Variants in ATR observed in about 807,000 individuals in gnomAD.
ATR encodes the protein ATR checkpoint kinase.
A neutral mutation model predicts 305.3 loss-of-function variants in ATR; 142 were observed. That is an observed-to-expected ratio of 0.47 (90% CI 0.41 to 0.53). ATR has a LOEUF of 0.53. Ranked by LOEUF, ATR falls within the 20% of genes least tolerant of loss-of-function variation. The pLI is 0.00. For missense variants in ATR, 2,135 were observed against 3,133.1 expected (o/e 0.68, Z 7.60); for synonymous variants, 1,050 against 1,068.1 (o/e 0.98, Z 0.33).
intron 23 of ATR, among the ~76,000 whole-genome samples, chr3:142,520,018 A>G (rs2033076949): frequency 6.6e-6 from 1 of 152,124 alleles, no homozygotes; most frequent in Non-Finnish European, 1.5e-5. Context: ...TCCCAACAAC[A>G]TATGCTCACT....
intron 14 of ATR, among the ~76,000 whole-genome samples, 200 bp from the exon 15 acceptor site, chr3:142,549,873 C>A (rs1000836844): frequency 5.3e-5 from 8 of 152,144 alleles, no homozygotes; most frequent in Admixed American, 1.3e-4. Flanking sequence ...CAGAAATGAT[C>A]ATATTAGACT....
intron 1 of ATR, among the ~76,000 whole-genome samples, chr3:142,568,939 C>T (rs992478614): frequency 6.6e-6 from 1 of 152,214 alleles, no homozygotes; most frequent in Admixed American, 6.5e-5. Context: ...AGGCGCCCCT[C>T]GGCACGAACA....
rs769440377 is a variant in ATR, at chr3:142,554,027, G to A, written c.2342-12C>T. On this transcript the variant is annotated splice_polypyrimidine_tract_variant and intron_variant, in intron 10 of 46. Transcript: ENST00000350721. ...ATTATCTATGAAAGCTGAAGGACAA[G>A]AGTATACAATACCTAATTTAACATA... 1.1e-5 allele frequency: 17 copies of A among 1,584,528 alleles called. No individual in the cohort carries two copies. The South Asian group carries it at 1.6e-4, about 15-fold the overall frequency.
intron 23 of ATR, among the ~76,000 whole-genome samples, chr3:142,522,008 T>G (rs1371354131): frequency 6.6e-6 from 1 of 152,220 alleles, no homozygotes; most frequent in Non-Finnish European, 1.5e-5. Flanking sequence ...AAACCTTTCA[T>G]GAAAGGCAAC....
chr3:142,561,113 A>C, intron 5 of ATR, 130 bp downstream of exon 5: 1 of 955,616 alleles, frequency 1.0e-6, no homozygotes, highest in Non-Finnish European at 1.6e-6. Flanking sequence ...TATTTTAAGC[A>C]CTCCCTTGGC....
At chr3:142,478,195 TA>T (rs2030055716) in intron 36 of ATR, among the ~76,000 whole-genome samples, 1 of 152,244 alleles carries the variant, frequency 6.6e-6, no homozygotes, top group African/African-American at 2.4e-5. Context: ...GTGTCAATTT[TA>T]AATCTTTCCT....
chr3:142,518,380 G>A (rs1266818029), intron 24 of ATR, among the ~76,000 whole-genome samples: 1 of 152,158 alleles, frequency 6.6e-6, no homozygotes, highest in Non-Finnish European at 1.5e-5. Context: ...AGCCAGGCAT[G>A]GCGGTGCACG....
chr3:142,547,696 A>C (rs2108450514), intron 16 of ATR, 29 bp downstream of exon 16: 2 of 1,605,704 alleles, frequency 1.2e-6, no homozygotes, highest in Non-Finnish European at 1.7e-6. Flanking sequence ...AAAAACAAAC[A>C]AAAAAACCTC....
At chr3:142,526,436 A>C (rs2033391031) in intron 21 of ATR, among the ~76,000 whole-genome samples, 1 of 152,050 alleles carries the variant, frequency 6.6e-6, no homozygotes, top group African/African-American at 2.4e-5. Context: ...GTGAACGCTA[A>C]ATAGTGCAGA....
chr3:142,514,883 C>T (rs1474709505), intron 25 of ATR, among the ~76,000 whole-genome samples: 1 of 149,382 alleles, frequency 6.7e-6, no homozygotes, highest in Non-Finnish European at 1.5e-5. Flanking sequence ...TAAACATTTT[C>T]TTGGAACACA....
At chr3:142,567,670 C>T (rs549073711) in intron 2 of ATR, among the ~76,000 whole-genome samples, 52 of 152,290 alleles carry the variant, frequency 3.4e-4, no homozygotes, top group African/African-American at 1.2e-3. Context: ...TAGGCACAGG[C>T]ATGAACCTAC....
intron 10 of ATR, 100 bp downstream of exon 10, chr3:142,555,777 C>T: frequency 4.3e-6 from 6 of 1,385,534 alleles, no homozygotes; most frequent in Non-Finnish European, 5.9e-6. Flanking sequence ...AAGCATGTAA[C>T]TTCCTGTAAT....
intron 29 of ATR, 134 bp from the exon 30 acceptor site, chr3:142,503,587 TTTA>T: frequency 2.4e-6 from 1 of 412,498 alleles, no homozygotes; most frequent in Admixed American, 4.4e-5. Flanking sequence ...TTATTATTAT[TTTA>T]ATTTTTTGTA....
At chr3:142,477,573 C>T (rs1253615063) in intron 36 of ATR, among the ~76,000 whole-genome samples, 1 of 152,114 alleles carries the variant, frequency 6.6e-6, no homozygotes, top group Non-Finnish European at 1.5e-5. Context: ...TGTGTCTCTG[C>T]CAGGCTTTGG....
At chr3:142,548,938 A>C (rs1396568656) in intron 15 of ATR, among the ~76,000 whole-genome samples, 2 of 152,208 alleles carry the variant, frequency 1.3e-5, no homozygotes, top group South Asian at 2.1e-4. Flanking sequence ...TTAACATCAG[A>C]GAAAACAGTA....
At chr3:142,467,001 T>G (rs1334388498) in intron 39 of ATR, among the ~76,000 whole-genome samples, 3 of 152,192 alleles carry the variant, frequency 2.0e-5, no homozygotes, top group African/African-American at 7.2e-5. Flanking sequence ...TTAATAAATG[T>G]TGGCCACCAT....
At chr3:142,548,166 T>C (rs2034341921) in intron 15 of ATR, among the ~76,000 whole-genome samples, 1 of 152,174 alleles carries the variant, frequency 6.6e-6, no homozygotes, top group Non-Finnish European at 1.5e-5. Context: ...AAGTCCTAGT[T>C]TTCTCTAAGG....
chr3:142,467,584 T>C (rs1057177127), intron 39 of ATR, among the ~76,000 whole-genome samples: 1 of 152,152 alleles, frequency 6.6e-6, no homozygotes, highest in Non-Finnish European at 1.5e-5. Flanking sequence ...GATATAATCA[T>C]AGACTACCAT....
At chr3:142,543,882 G>T (rs1019586138) in intron 16 of ATR, among the ~76,000 whole-genome samples, 3 of 151,962 alleles carry the variant, frequency 2.0e-5, no homozygotes, top group Non-Finnish European at 4.4e-5. Context: ...TGTTGCCCAG[G>T]CTGGTCTCAA....
Sources: allele counts gnomAD v4.1 joint callset (sites outside exome capture counted in the v4.1 genomes callset), GRCh38; gene constraint gnomAD v4.1.1; transcripts MANE v1.5; gene names NCBI Gene and HGNC (gene_info 2026-07-23, HGNC 2026-07-21).